Variants in ANKRD11 observed in about 807,000 individuals in gnomAD.
ANKRD11 encodes the protein ankyrin repeat domain-containing protein 11.
In ANKRD11, 17 loss-of-function variants were observed where a neutral mutation model predicts 195.7. The observed-to-expected ratio is 0.09, with a 90% confidence interval of 0.06 to 0.13. The LOEUF (loss-of-function observed/expected upper bound fraction) is 0.13. ANKRD11 is among the 10% of genes least tolerant of loss of function. The probability of loss-of-function intolerance (pLI) is 1.00; values close to 1 mark genes in which losing one functional copy is unlikely to be tolerated. For missense variants in ANKRD11, 3,735 were observed against 3,566.1 expected (o/e 1.05, Z -1.21); for synonymous variants, 1,953 against 1,528.1 (o/e 1.28, Z -6.49).
At chr16:89,366,107 G>A (rs2039936972) in intron 2 of ANKRD11, among the ~76,000 whole-genome samples, 1 of 140,654 alleles carries the variant, frequency 7.1e-6, no homozygotes, top group Middle Eastern at 4.2e-3. Flanking sequence ...TCTAGCCTGG[G>A]TGACAAAGTG....
intron 7 of ANKRD11, chr16:89,287,268 G>A (rs1369734360): frequency 5.1e-6 from 2 of 393,428 alleles, no homozygotes; most frequent in South Asian, 4.2e-5. Context: ...GCATCTCTCA[G>A]ACTCAGCAGG....
In ANKRD11 at chr16:89,280,053, T is replaced by C. The variant is rs201020132; in HGVS notation, c.6489A>G (p.Pro2163=). 9.0e-5 allele frequency: 145 copies of C among 1,612,852 alleles called. 1 individual carries two copies. Among genetic ancestry groups the C allele is most frequent in the Non-Finnish European group, 1.2e-5 (14 of 1,179,972 alleles). ...CGGGGGCCCCTGGAGGCATCTCTTC[T>C]GGAGGAGCAAGACTTTCTTCCACGG... ...AEPVEESLAP[P]EEMPPGAPGV... Residue 2163 remains proline (P), a synonymous_variant, in exon 9 of 13, where the codon CCA becomes CCG. Transcript: ENST00000301030.
At chr16:89,313,387 G>A in intron 3 of ANKRD11, 7 of 1,286,172 alleles carry the variant, frequency 5.4e-6, no homozygotes, top group Non-Finnish European at 7.1e-6. Context: ...GCGGTTCTGG[G>A]ATTCCGTGGT....
intron 2 of ANKRD11, among the ~76,000 whole-genome samples, chr16:89,375,678 C>G (rs1388635281): frequency 2.6e-5 from 4 of 150,970 alleles, no homozygotes; most frequent in Non-Finnish European, 4.4e-5. Context: ...TGGTCTCAAG[C>G]TCCTGACCTC....
intron 2 of ANKRD11, among the ~76,000 whole-genome samples, chr16:89,331,640 G>A (rs1597675281): frequency 6.6e-6 from 1 of 151,984 alleles, no homozygotes; most frequent in East Asian, 1.9e-4. Flanking sequence ...TATGTATTTA[G>A]GTACAGGGTC....
At position 89,288,015 on chromosome 16, in the gene ANKRD11, C is replaced by G. The variant is rs148749691; in HGVS notation, c.744+513G>C. On this transcript the variant is annotated intron_variant, in intron 7 of 12. Transcript: ENST00000301030. ...GGCAGGACGGGGCTGTCAGGCACACCACGACCTCTCTCGACCCCCACAGAG... is the reference window on the plus strand; with the variant it reads ...GGCAGGACGGGGCTGTCAGGCACACGACGACCTCTCTCGACCCCCACAGAG... The G allele has an allele frequency of 4.1e-3, 2,075 of 511,964 alleles. 4 individuals are homozygous for G. The highest frequency in any genetic ancestry group is 6.2e-3 in the Non-Finnish European group (1,799 of 291,436). 31.7% of individuals were successfully genotyped at this position (511,964 alleles called of 1,614,324 possible).
intron 4 of ANKRD11, among the ~76,000 whole-genome samples, chr16:89,302,332 A>C (rs531336983): frequency 1.3e-5 from 2 of 152,272 alleles, no homozygotes; most frequent in African/African-American, 4.8e-5. Flanking sequence ...GGCTCACTGC[A>C]ACCTCCACCT....
chr16:89,411,186 A>G (rs1444879072), intron 2 of ANKRD11, among the ~76,000 whole-genome samples: 1 of 152,250 alleles, frequency 6.6e-6, no homozygotes, highest in Non-Finnish European at 1.5e-5. Context: ...CCACGCCTCC[A>G]TGACGGTGCC....
intron 1 of ANKRD11, among the ~76,000 whole-genome samples, chr16:89,486,259 G>C (rs570867527): frequency 6.6e-6 from 1 of 152,008 alleles, no homozygotes; most frequent in Non-Finnish European, 1.5e-5. Context: ...ACACAACACA[G>C]GAAGACCCTG....
At chr16:89,359,297 T>C (rs1404009065) in intron 2 of ANKRD11, among the ~76,000 whole-genome samples, 1 of 152,110 alleles carries the variant, frequency 6.6e-6, no homozygotes, top group Non-Finnish European at 1.5e-5. Flanking sequence ...TAGTAAAGAC[T>C]CCAGAAAATC....
chr16:89,285,019 A>C lies in ANKRD11; in HGVS notation c.1523T>G (p.Val508Gly). The C allele has an allele frequency of 6.2e-7, 1 of 1,613,956 alleles. No individual in the cohort carries two copies. Among genetic ancestry groups the C allele is most frequent in the East Asian group, 2.2e-5 (1 of 44,880 alleles). The change falls in exon 9 of 13, where the codon GTG becomes GGG. Residue 508 changes from valine (V) to glycine (G), a missense_variant. Val to Gly is a moderately radical substitution (Grantham distance 109). Transcript: ENST00000301030. This position sits in a 1 kb window ranked among gnomAD's most constrained non-coding sequence, Gnocchi z 5.6. ...SSGCLKGSPL[V>G]LKDPSLFSSL... ...GCTGAACAGGGAGGGGTCCTTCAGC[A>C]CCAGCGGGGACCCCTTGAGGCAGCC...
chr16:89,384,876 TTTC>T lies in ANKRD11; in HGVS notation c.-60+33405_-60+33407del, dbSNP rs1264892288. 4.1e-3 allele frequency among the ~76,000 whole-genome samples: 482 copies of T among 117,846 alleles called. 4 individuals are homozygous for T. Among genetic ancestry groups the T allele is most frequent in the African/African-American group, 0.014 (426 of 29,616 alleles). The allele number at this position is 117,846 out of a possible 152,430, so 77.3% of individuals were successfully genotyped here. On this transcript the variant is annotated intron_variant, in intron 2 of 12. Coordinates refer to ENST00000301030, the MANE Select transcript of ANKRD11 (RefSeq NM_013275.6). ...GTGGGAGCACACAATGAGAAATAGT[TTTC>T]TTTTTTTTTTTTTTTTTTTTTTTTT...
intron 2 of ANKRD11, among the ~76,000 whole-genome samples, chr16:89,338,229 C>T (rs1199006318): frequency 6.6e-6 from 1 of 152,108 alleles, no homozygotes; most frequent in African/African-American, 2.4e-5. Context: ...CCCAGCACGT[C>T]CACTCAGTGT....
intron 1 of ANKRD11, among the ~76,000 whole-genome samples, chr16:89,424,441 CAA>C (rs35809345): frequency 3.5e-5 from 5 of 142,466 alleles, no homozygotes; most frequent in Admixed American, 7.0e-5. Context: ...AACTCTGTCT[CAA>C]AAAAAAAAAA....
chr16:89,490,017 C>T (rs866235276), intron 1 of ANKRD11, among the ~76,000 whole-genome samples: 4 of 148,810 alleles, frequency 2.7e-5, no homozygotes, highest in Middle Eastern at 7.0e-3. Context: ...CCAAAGACCC[C>T]CGGCTGCCCC....
In ANKRD11 at chr16:89,379,070, G is replaced by A. The variant is rs540859600; in HGVS notation, c.-60+39214C>T. ...CGCTTAGAACTGAAAACTTAGGGTC[G>A]TCCATGCCCAGAACGTCGGCAGTGC... On this transcript the variant is annotated intron_variant, in intron 2 of 12. Coordinates refer to ENST00000301030, the MANE Select transcript of ANKRD11 (RefSeq NM_013275.6). 6.6e-5 allele frequency among the ~76,000 whole-genome samples: 10 copies of A among 152,306 alleles called. No individual in the cohort carries two copies. In the South Asian group the frequency reaches 1.7e-3, roughly 25 times the overall value.
At chr16:89,374,927 C>T (rs530367191) in intron 2 of ANKRD11, among the ~76,000 whole-genome samples, 2 of 151,662 alleles carry the variant, frequency 1.3e-5, no homozygotes, top group African/African-American at 2.4e-5. Context: ...CCAGGAATAC[C>T]GAAAAAAGTC....
At chr16:89,392,965 C>T (rs1362096943) in intron 2 of ANKRD11, among the ~76,000 whole-genome samples, 1 of 152,032 alleles carries the variant, frequency 6.6e-6, no homozygotes, top group Admixed American at 6.6e-5. Context: ...AAGGCCCTTT[C>T]TGTTTCCCCA....
chr16:89,362,512 C>A (rs2039775683), intron 2 of ANKRD11, among the ~76,000 whole-genome samples: 1 of 152,228 alleles, frequency 6.6e-6, no homozygotes, highest in Admixed American at 6.5e-5. Flanking sequence ...GTGTCCAGCA[C>A]CAGAGATACT....
Sources: allele counts gnomAD v4.1 joint callset (sites outside exome capture counted in the v4.1 genomes callset), GRCh38; gene constraint gnomAD v4.1.1; non-coding constraint Gnocchi (gnomAD v3.1); transcripts MANE v1.5; gene names NCBI Gene and HGNC (gene_info 2026-07-23, HGNC 2026-07-21).